SNX10: variants seen among roughly 807,000 people sequenced by gnomAD.
SNX10 encodes sorting nexin-10.
Under a neutral mutation model 28.5 loss-of-function variants are expected in SNX10, and 25 were observed. The ratio of observed to expected loss-of-function variants is 0.88; its 90% CI spans 0.64 to 1.22. The LOEUF (loss-of-function observed/expected upper bound fraction) is 1.22, where lower values mean the gene tolerates loss of function less well. Among genes scored for constraint, SNX10 ranks in the 50% most tolerant of loss-of-function variants. The pLI is 0.00. For missense variants in SNX10, 223 were observed against 242.6 expected, an observed-to-expected ratio of 0.92 and a Z score of 0.54; for synonymous variants, 62 against 81.4, an observed-to-expected ratio of 0.76 and a Z score of 1.28.
chr7:26,360,990 T>A lies in SNX10; in HGVS notation c.40T>A (p.Trp14Arg). ...EQQKEEFVSV[W>R]VRDPRIQKED... Reference sequence around the variant, plus strand: ...GCCATTACAGGAATTTGTAAGTGTCTGGGTTCGAGATCCTAGGATTCAGAA... The same window carrying A: ...GCCATTACAGGAATTTGTAAGTGTCAGGGTTCGAGATCCTAGGATTCAGAA... The change falls in exon 3 of 7, where the codon TGG (tryptophan) becomes AGG (arginine). Residue 14 changes from tryptophan (W) to arginine (R), a missense_variant. Trp to Arg is a moderately radical substitution (Grantham distance 101). Transcript: ENST00000338523. 6.2e-7 allele frequency: 1 copy of A among 1,613,292 alleles called. No homozygotes were observed. The highest frequency in any genetic ancestry group is 8.5e-7 in the Non-Finnish European group (1 of 1,179,712).
chr7:26,341,039 C>G (rs1428920299), intron 1 of SNX10, among the ~76,000 whole-genome samples: 2 of 152,136 alleles, frequency 1.3e-5, no homozygotes, highest in Non-Finnish European at 2.9e-5. Flanking sequence ...TGACTCACAC[C>G]TGTTATTGAG....
At chr7:26,332,782 T>C (rs1461749078) in intron 1 of SNX10, among the ~76,000 whole-genome samples, 1 of 152,238 alleles carries the variant, frequency 6.6e-6, no homozygotes, top group Non-Finnish European at 1.5e-5. Flanking sequence ...TTCATTCTTT[T>C]GCGTGTGGCT....
chr7:26,317,659 CTTTTTTTTTTT>C (rs11310428), intron 1 of SNX10, among the ~76,000 whole-genome samples: 12 of 106,220 alleles, frequency 1.1e-4, no homozygotes, highest in African/African-American at 3.9e-4. Context: ...CTTCTTTGAT[CTTTTTTTTTTT>C]TTTTTTTTTT....
At chr7:26,306,100 C>T (rs888116140) in intron 1 of SNX10, among the ~76,000 whole-genome samples, 31 of 149,070 alleles carry the variant, frequency 2.1e-4, no homozygotes, top group South Asian at 1.3e-3. Context: ...GACGGGTTTT[C>T]GCCAGGTTGG....
At chr7:26,342,318 C>T (rs1247684475) in intron 1 of SNX10, among the ~76,000 whole-genome samples, 1 of 152,030 alleles carries the variant, frequency 6.6e-6, no homozygotes, top group Non-Finnish European at 1.5e-5. Flanking sequence ...TGAGCCACTG[C>T]GCCTGGCCTC....
At chr7:26,352,024 A>G (rs1788627971) in intron 2 of SNX10, among the ~76,000 whole-genome samples, 1 of 152,148 alleles carries the variant, frequency 6.6e-6, no homozygotes, top group Non-Finnish European at 1.5e-5. Flanking sequence ...AATTGTTACA[A>G]AGGCAGCATG....
At chr7:26,361,676 T>G (rs73285281) in intron 3 of SNX10, among the ~76,000 whole-genome samples, 2 of 152,368 alleles carry the variant, frequency 1.3e-5, no homozygotes, top group African/African-American at 4.8e-5. Flanking sequence ...TCTGTAAAGG[T>G]AGTAAATATC....
chr7:26,319,862 T>C (rs566496782), intron 1 of SNX10, among the ~76,000 whole-genome samples: 40 of 152,254 alleles, frequency 2.6e-4, no homozygotes, highest in Admixed American at 7.8e-4. Flanking sequence ...CCTTCCCTAG[T>C]ACTGGTTTTT....
At chr7:26,352,668 A>C (rs896714203) in intron 2 of SNX10, among the ~76,000 whole-genome samples, 1 of 152,214 alleles carries the variant, frequency 6.6e-6, no homozygotes, top group African/African-American at 2.4e-5. Flanking sequence ...CTTTTTAAAA[A>C]ATGAACCACA....
intron 1 of SNX10, among the ~76,000 whole-genome samples, chr7:26,312,711 G>A (rs1391121572): frequency 6.6e-6 from 1 of 152,192 alleles, no homozygotes; most frequent in African/African-American, 2.4e-5. Flanking sequence ...TTGAACCCGG[G>A]AGGCGGAGGT....
At chr7:26,316,751 C>A (rs374327711) in intron 1 of SNX10, among the ~76,000 whole-genome samples, 9 of 152,062 alleles carry the variant, frequency 5.9e-5, no homozygotes, top group East Asian at 3.9e-4. Flanking sequence ...GGATTTGAGC[C>A]CAGGGAGGAT....
intron 1 of SNX10, among the ~76,000 whole-genome samples, chr7:26,307,287 TA>T (rs960956952): frequency 6.6e-6 from 1 of 152,206 alleles, no homozygotes; most frequent in African/African-American, 2.4e-5. Context: ...CCCAACACCC[TA>T]ACATGTTCCA....
chr7:26,304,324 A>G (rs1368050108), intron 1 of SNX10, among the ~76,000 whole-genome samples: 1 of 152,080 alleles, frequency 6.6e-6, no homozygotes, highest in Non-Finnish European at 1.5e-5. Context: ...TGATTCTCCA[A>G]TTCAGTACCC....
At position 26,360,963 on chromosome 7, in the gene SNX10, A is replaced by G. The variant is rs1204852427; in HGVS notation, c.25-12A>G. 1.9e-6 allele frequency: 3 copies of G among 1,608,376 alleles called. No individual in the cohort carries two copies. The highest frequency in any genetic ancestry group is 1.1e-5 in the South Asian group (1 of 90,824). The stretch of plus-strand genomic sequence containing the variant: ...TCTGAAGAATATTTCTTTGTTTATG[A>G]TGCCATTACAGGAATTTGTAAGTGT... On this transcript the variant is annotated splice_polypyrimidine_tract_variant and intron_variant, in intron 2 of 6. Coordinates refer to ENST00000338523, the MANE Select transcript of SNX10 (RefSeq NM_013322.3).
chr7:26,364,775 T>C lies in SNX10; in HGVS notation c.212+140T>C, dbSNP rs1789223707. ...CAATATGTAGCTTTAGTTTCTTAGCTACTGCATCTGAATTTAAAATTTATC... is the reference window on the plus strand; with the variant it reads ...CAATATGTAGCTTTAGTTTCTTAGCCACTGCATCTGAATTTAAAATTTATC... On this transcript the variant is annotated intron_variant, in intron 4 of 6. Transcript: ENST00000338523. The surrounding 1 kb of genome is among the most constrained non-coding windows in gnomAD (Gnocchi z 4.9). The C allele has an allele frequency of 6.0e-6, 4 of 667,612 alleles. 1 individual carries two copies. The highest frequency in any genetic ancestry group is 4.4e-5 in the South Asian group (2 of 45,532). The allele number at this position is 667,612 out of a possible 1,614,324, so 41.4% of individuals were successfully genotyped here. A position where few individuals can be genotyped will look rare whatever the true frequency, so the allele number is the denominator to read the frequency against.
chr7:26,294,724 G>A (rs1345893303), intron 1 of SNX10, among the ~76,000 whole-genome samples: 1 of 152,166 alleles, frequency 6.6e-6, no homozygotes, highest in Admixed American at 6.5e-5. Flanking sequence ...GTTATCTAGG[G>A]CTTACTGTGT....
At chr7:26,340,225 A>G (rs1042878837) in intron 1 of SNX10, among the ~76,000 whole-genome samples, 6 of 152,210 alleles carry the variant, frequency 3.9e-5, no homozygotes, top group African/African-American at 7.2e-5. Context: ...TATAGTATAT[A>G]TAAGTACTGA....
intron 1 of SNX10, among the ~76,000 whole-genome samples, chr7:26,302,853 A>C (rs1470304043): frequency 1.3e-5 from 2 of 152,184 alleles, no homozygotes; most frequent in African/African-American, 4.8e-5. Flanking sequence ...GTTTGAGACC[A>C]GCATGGCCAA....
At chr7:26,349,542 A>G (rs890345097) in intron 2 of SNX10, among the ~76,000 whole-genome samples, 1 of 152,198 alleles carries the variant, frequency 6.6e-6, no homozygotes, top group African/African-American at 2.4e-5. Context: ...TTCTCCATAA[A>G]AAGGCCTTGG....
Sources: allele counts gnomAD v4.1 joint callset (sites outside exome capture counted in the v4.1 genomes callset), GRCh38; gene constraint gnomAD v4.1.1; non-coding constraint Gnocchi (gnomAD v3.1); transcripts MANE v1.5; gene names NCBI Gene and HGNC (gene_info 2026-07-23, HGNC 2026-07-21).